ZNRF1: variants seen among roughly 807,000 people sequenced by gnomAD.
The protein encoded by ZNRF1 is E3 ubiquitin-protein ligase ZNRF1.
In ZNRF1, 3 loss-of-function variants were observed where a neutral mutation model predicts 18.4. The observed-to-expected ratio is 0.16, with a 90% CI of 0.07 to 0.42. ZNRF1 has a LOEUF of 0.42. Among genes scored for constraint, ZNRF1 ranks in the 10% least tolerant of loss-of-function variants. ZNRF1 has a pLI of 0.99. For missense variants in ZNRF1, 310 were observed against 329.8 expected (o/e 0.94, Z 0.47); for synonymous variants, 157 against 144.2 (o/e 1.09, Z -0.64).
chr16:75,063,162 A>G (rs1057369853), intron 1 of ZNRF1, among the ~76,000 whole-genome samples: 1 of 152,196 alleles, frequency 6.6e-6, no homozygotes, highest in African/African-American at 2.4e-5. Context: ...ACAGGCCTGG[A>G]TGAGAACGTA....
intron 1 of ZNRF1, among the ~76,000 whole-genome samples, chr16:75,003,973 T>C (rs2034886147): frequency 7.0e-6 from 1 of 143,376 alleles, no homozygotes; most frequent in Admixed American, 7.0e-5. Flanking sequence ...TTTTTTTTTT[T>C]CTTTTGAGAC....
At chr16:75,050,401 C>T (rs1003233413) in intron 1 of ZNRF1, among the ~76,000 whole-genome samples, 15 of 152,148 alleles carry the variant, frequency 9.9e-5, no homozygotes, top group African/African-American at 3.4e-4. Flanking sequence ...TGGTGCACAC[C>T]TGTAGTCCCA....
intron 1 of ZNRF1, among the ~76,000 whole-genome samples, chr16:75,089,269 A>AT (rs995790340): frequency 1.3e-5 from 2 of 151,914 alleles, no homozygotes; most frequent in Non-Finnish European, 2.9e-5. Context: ...TGCCCAGCTA[A>AT]TTAAAAAAAA....
intron 1 of ZNRF1, among the ~76,000 whole-genome samples, chr16:75,031,858 C>T (rs1329033647): frequency 6.6e-6 from 1 of 152,070 alleles, no homozygotes; most frequent in Non-Finnish European, 1.5e-5. Flanking sequence ...GTCAATTCTG[C>T]CGGATCTACC....
At chr16:75,014,411 T>C (rs1033465188) in intron 1 of ZNRF1, among the ~76,000 whole-genome samples, 4 of 152,212 alleles carry the variant, frequency 2.6e-5, no homozygotes, top group African/African-American at 4.8e-5. Context: ...AAAGATATTA[T>C]GAGGTGTGTG....
intron 1 of ZNRF1, among the ~76,000 whole-genome samples, chr16:75,076,549 TAGAC>T (rs1366055573): frequency 2.6e-5 from 4 of 151,436 alleles, no homozygotes; most frequent in Admixed American, 6.5e-5. Flanking sequence ...TATGAATGGA[TAGAC>T]AGACTGACTG....
At chr16:75,039,651 G>T (rs573382607) in intron 1 of ZNRF1, among the ~76,000 whole-genome samples, 1 of 152,278 alleles carries the variant, frequency 6.6e-6, no homozygotes, top group Non-Finnish European at 1.5e-5. Flanking sequence ...TTAATGACTG[G>T]TCCTGGAGCT....
intron 1 of ZNRF1, among the ~76,000 whole-genome samples, chr16:75,073,146 C>CCTCTCTCTG: frequency 7.8e-6 from 1 of 128,740 alleles, no homozygotes; most frequent in South Asian, 2.7e-4. Flanking sequence ...CTCTCTCTCT[C>CCTCTCTCTG]TCTCTCTGTC....
intron 1 of ZNRF1, among the ~76,000 whole-genome samples, chr16:75,083,700 A>G (rs2036041667): frequency 6.6e-6 from 1 of 152,186 alleles, no homozygotes; most frequent in East Asian, 1.9e-4. Context: ...CTTGACTTCC[A>G]ATGCCAACCA....
chr16:75,106,619 T>G (rs1399389539), intron 4 of ZNRF1, 48 bp downstream of exon 4: 4 of 1,545,264 alleles, frequency 2.6e-6, no homozygotes, highest in Middle Eastern at 1.7e-4. Context: ...TGGGGTCAGG[T>G]CACTTTGGGG....
rs532032439 is a variant in ZNRF1 at position 75,070,492 on chromosome 16, C to T, written c.425-23080C>T. ...CGATCCTGCTTTCCTCTTTAGCATCCACATCCACATTTTTTTGCAACTCTG... is the reference window on the plus strand; with the variant it reads ...CGATCCTGCTTTCCTCTTTAGCATCTACATCCACATTTTTTTGCAACTCTG... On this transcript the variant is annotated intron_variant, in intron 1 of 4. Coordinates refer to ENST00000335325, the MANE Select transcript of ZNRF1 (RefSeq NM_032268.5). Among the ~76,000 whole-genome samples the T allele has an allele frequency of 1.1e-4, 16 of 152,296 alleles. No homozygotes were observed. In the South Asian group the frequency reaches 2.9e-3, roughly 28 times the overall value.
chr16:75,021,528 A>G (rs4887800), intron 1 of ZNRF1, among the ~76,000 whole-genome samples: 45,771 of 152,042 alleles, frequency 0.3, 8,234 homozygotes, highest in East Asian at 0.62. Flanking sequence ...GTGAGAGTCT[A>G]TTGGTGCTAA....
intron 1 of ZNRF1, among the ~76,000 whole-genome samples, chr16:75,008,056 T>A (rs2034945637): frequency 6.6e-6 from 1 of 151,998 alleles, no homozygotes; most frequent in African/African-American, 2.4e-5. Context: ...TTTTTCTTTT[T>A]TCGGTAGAGA....
At chr16:75,065,508 T>A (rs754744099) in intron 1 of ZNRF1, among the ~76,000 whole-genome samples, 5 of 152,202 alleles carry the variant, frequency 3.3e-5, no homozygotes, top group Non-Finnish European at 7.3e-5. Context: ...TGGGGCGACT[T>A]GTTTTTAATT....
chr16:75,100,150 G>C (rs1335883227), intron 2 of ZNRF1, among the ~76,000 whole-genome samples: 1 of 152,224 alleles, frequency 6.6e-6, no homozygotes, highest in African/African-American at 2.4e-5. Context: ...CTTGGTCCCA[G>C]TGAAATGTGC....
chr16:75,058,890 T>A (rs1428342914), intron 1 of ZNRF1, among the ~76,000 whole-genome samples: 1 of 152,158 alleles, frequency 6.6e-6, no homozygotes, highest in Non-Finnish European at 1.5e-5. Context: ...TTGACCACCT[T>A]GTGTTTTCCT....
intron 2 of ZNRF1, among the ~76,000 whole-genome samples, chr16:75,095,915 G>A (rs762546911): frequency 1.6e-4 from 24 of 152,104 alleles, no homozygotes; most frequent in Non-Finnish European, 2.2e-4. Flanking sequence ...ACCGGGAGCC[G>A]GGCCCCCCTT....
intron 1 of ZNRF1, among the ~76,000 whole-genome samples, chr16:75,004,055 G>A (rs958514251): frequency 1.3e-5 from 2 of 151,772 alleles, no homozygotes; most frequent in African/African-American, 4.8e-5. Flanking sequence ...CAGACTCCTG[G>A]GCTCAGTTGA....
chr16:75,034,367 C>A (rs2035349899), intron 1 of ZNRF1, among the ~76,000 whole-genome samples: 1 of 152,164 alleles, frequency 6.6e-6, no homozygotes, highest in South Asian at 2.1e-4. Context: ...CTTAATAACT[C>A]ATATAAGCAA....
Sources: gnomAD v4.1 joint callset for allele counts (sites outside exome capture counted in the v4.1 genomes callset) on GRCh38, gnomAD v4.1.1 for gene constraint, MANE v1.5 for transcripts, NCBI Gene and HGNC (gene_info 2026-07-23, HGNC 2026-07-21) for gene names.